The following SLC25A15 variants were observed in gnomAD, a reference collection of about 807,000 sequenced individuals.
SLC25A15 encodes solute carrier family 25 member 15, also known as mitochondrial ornithine transporter 1.
SLC25A15 carries 24 observed loss-of-function variants against 32.3 expected under a neutral mutation model. That is an observed-to-expected ratio of 0.74 (90% CI 0.54 to 1.04). SLC25A15 has a LOEUF of 1.04. Among genes scored for constraint, SLC25A15 ranks in the 50% least tolerant of loss-of-function variants. The pLI is 0.00. For synonymous variants in SLC25A15, 132 were observed against 142.1 expected, an observed-to-expected ratio of 0.93 and a Z score of 0.51; for missense variants, 317 against 374.5, an observed-to-expected ratio of 0.85 and a Z score of 1.27.
chr13:40,799,975 G>A (rs888432411), intron 3 of SLC25A15, among the ~76,000 whole-genome samples: 1 of 152,190 alleles, frequency 6.6e-6, no homozygotes, highest in Non-Finnish European at 1.5e-5. Context: ...TGTTGGTCTT[G>A]CCTTGGGTAT....
chr13:40,798,537 A>C (rs1566120969), intron 2 of SLC25A15: 1 of 153,542 alleles, frequency 6.5e-6, no homozygotes, highest in East Asian at 1.9e-4. Context: ...GCATTAGGCA[A>C]AGTGAGCGAT....
At chr13:40,798,739 A>C (rs1412681366) in intron 2 of SLC25A15, 1 of 985,066 alleles carries the variant, frequency 1.0e-6, no homozygotes, top group Admixed American at 6.1e-5. Context: ...CTTGTCCAGG[A>C]TCTCACAGCA....
chr13:40,811,496 AAAAG>A lies in SLC25A15; in HGVS notation c.*1833_*1836del, dbSNP rs1422824340. On this transcript the variant is annotated 3_prime_UTR_variant, in exon 7 of 7. Coordinates refer to ENST00000338625, the MANE Select transcript of SLC25A15 (RefSeq NM_014252.4). ...ACAGCGAGACTTCATCTCAAAAAAA[AAAAG>A]AAAAGAAAAGCAATTGTACTTCACT... Among the ~76,000 whole-genome samples, 114 of 143,804 alleles carry A rather than the reference AAAAG, an allele frequency of 7.9e-4. 2 individuals carry two copies. The South Asian group carries it at 0.026, about 33-fold the overall frequency. 94.3% of individuals were successfully genotyped at this position (143,804 alleles called of 152,430 possible). A position where few individuals can be genotyped will look rare whatever the true frequency, so the allele number is the denominator to read the frequency against.
intron 3 of SLC25A15, among the ~76,000 whole-genome samples, chr13:40,803,380 A>G (rs1212372059): frequency 6.6e-6 from 1 of 152,042 alleles, no homozygotes; most frequent in African/African-American, 2.4e-5. Context: ...AGGCATGGCT[A>G]ATTTTTAGTA....
At chr13:40,794,857 A>G (rs990166923) in intron 2 of SLC25A15, among the ~76,000 whole-genome samples, 13 of 152,056 alleles carry the variant, frequency 8.5e-5, no homozygotes, top group South Asian at 4.2e-4. Context: ...CATTTGCTCA[A>G]TTGTGAAAAA....
At chr13:40,793,014 C>T (rs553956454) in intron 1 of SLC25A15, 144 bp from the exon 2 acceptor site, 9 of 611,592 alleles carry the variant, frequency 1.5e-5, no homozygotes, top group Non-Finnish European at 2.7e-5. Context: ...CTAAGCTGCA[C>T]TGATACCTTG....
intron 3 of SLC25A15, among the ~76,000 whole-genome samples, chr13:40,799,818 C>T (rs533143228): frequency 1.1e-4 from 16 of 152,208 alleles, no homozygotes; most frequent in Non-Finnish European, 1.9e-4. Context: ...GCTTTTCTTT[C>T]ATTAGCAAAA....
chr13:40,808,840 C>G (rs1304559119), intron 6 of SLC25A15, among the ~76,000 whole-genome samples: 4 of 144,948 alleles, frequency 2.8e-5, no homozygotes, highest in Non-Finnish European at 6.0e-5. Context: ...GAGGCTGAGA[C>G]AGGAGAATGG....
intron 2 of SLC25A15, among the ~76,000 whole-genome samples, chr13:40,795,311 T>A (rs1420734292): frequency 6.6e-6 from 1 of 152,248 alleles, no homozygotes; most frequent in Non-Finnish European, 1.5e-5. Flanking sequence ...TTTCAGTCAA[T>A]CTGTCAAAGA....
intron 1 of SLC25A15, among the ~76,000 whole-genome samples, chr13:40,791,426 C>T (rs1222836719): frequency 2.0e-5 from 3 of 150,714 alleles, no homozygotes; most frequent in Non-Finnish European, 2.9e-5. Context: ...GGCACAATCT[C>T]GGCTCACTGC....
chr13:40,790,135 C>T (rs1405832820), intron 1 of SLC25A15, among the ~76,000 whole-genome samples: 1 of 152,182 alleles, frequency 6.6e-6, no homozygotes, highest in Non-Finnish European at 1.5e-5. Context: ...CATCTCCACG[C>T]TTTACCTAAA....
At chr13:40,802,927 A>T (rs1881956083) in intron 3 of SLC25A15, among the ~76,000 whole-genome samples, 1 of 152,046 alleles carries the variant, frequency 6.6e-6, no homozygotes, top group African/African-American at 2.4e-5. Context: ...TTATATCTCT[A>T]CCTGAGTAGT....
Position 40,790,585 on chromosome 13 carries a change from A to G in SLC25A15, c.-70+922A>G, listed in dbSNP as rs557920005. 3.3e-5 allele frequency among the ~76,000 whole-genome samples: 5 copies of G among 152,148 alleles called. No homozygotes were observed. The South Asian group carries it at 1.0e-3, about 32-fold the overall frequency. ...ATTCTAATGGCTATTTGTAGAATTT[A>G]TTTGTTTGTTTATTTTTTTGAGACG... On this transcript the variant is annotated intron_variant, in intron 1 of 6. Coordinates refer to ENST00000338625, the MANE Select transcript of SLC25A15 (RefSeq NM_014252.4).
At chr13:40,806,577 T>C (rs1285348940) in intron 4 of SLC25A15, among the ~76,000 whole-genome samples, 1 of 152,240 alleles carries the variant, frequency 6.6e-6, no homozygotes, top group African/African-American at 2.4e-5. Context: ...GACAGTGTCT[T>C]CTGAAGCTCT....
At chr13:40,802,599 G>A (rs535183940) in intron 3 of SLC25A15, among the ~76,000 whole-genome samples, 15 of 146,698 alleles carry the variant, frequency 1.0e-4, no homozygotes, top group African/African-American at 3.3e-4. Flanking sequence ...TTTTTGAGAC[G>A]GAGTCTCACT....
chr13:40,798,700 T>G, intron 2 of SLC25A15: 4 of 909,874 alleles, frequency 4.4e-6, no homozygotes, highest in Non-Finnish European at 5.3e-6. Context: ...GTGGCATGGA[T>G]GAGGAGCTGA....
rs906220853 is a variant in SLC25A15 at position 40,811,497 on chromosome 13, AAAG to A, written c.*1833_*1835del. On this transcript the variant is annotated 3_prime_UTR_variant, in exon 7 of 7. Coordinates refer to ENST00000338625, the MANE Select transcript of SLC25A15 (RefSeq NM_014252.4). ...CAGCGAGACTTCATCTCAAAAAAAAAAAGAAAAGAAAAGCAATTGTACTTCACT... is the reference window on the plus strand; with the variant it reads ...CAGCGAGACTTCATCTCAAAAAAAAAAAAAGAAAAGCAATTGTACTTCACT... Among the ~76,000 whole-genome samples the A allele has an allele frequency of 7.0e-6, 1 of 143,574 alleles. No individual in the cohort carries two copies. The highest frequency in any genetic ancestry group is 1.5e-5 in the Non-Finnish European group (1 of 67,278). The allele number at this position is 143,574 out of a possible 152,430, so 94.2% of individuals were successfully genotyped here.
chr13:40,790,459 C>G (rs1039368844), intron 1 of SLC25A15, among the ~76,000 whole-genome samples: 24 of 152,168 alleles, frequency 1.6e-4, no homozygotes, highest in African/African-American at 5.8e-4. Context: ...CTCCTCCAAG[C>G]CCTGTGTCTT....
In SLC25A15 at chr13:40,810,808, T is replaced by C; in HGVS notation, c.*1141T>C. 2 of 534,854 alleles carry C rather than the reference T, an allele frequency of 3.7e-6. No homozygotes were observed. Among genetic ancestry groups the C allele is most frequent in the Non-Finnish European group, 7.7e-6 (2 of 260,106 alleles). The allele number at this position is 534,854 out of a possible 1,614,324, so 33.1% of individuals were successfully genotyped here. A position where few individuals can be genotyped will look rare whatever the true frequency, so the allele number is the denominator to read the frequency against. ...TGAGTGGTAGGCGGTGCTGCTGTGC[T>C]CTGATGAAGACCCATGTGGCTAGCA... is the stretch of plus-strand genomic sequence containing the variant. On this transcript the variant is annotated 3_prime_UTR_variant, in exon 7 of 7. Transcript: ENST00000338625.
Sources: gnomAD v4.1 joint callset for allele counts (sites outside exome capture counted in the v4.1 genomes callset) on GRCh38, gnomAD v4.1.1 for gene constraint, MANE v1.5 for transcripts, NCBI Gene and HGNC (gene_info 2026-07-23, HGNC 2026-07-21) for gene names.